The following ACSS3 variants were observed in gnomAD, a reference collection of about 807,000 sequenced individuals.
ACSS3 encodes the protein acyl-CoA synthetase short chain family member 3, also known as acyl-CoA synthetase short-chain family member 3, mitochondrial.
ACSS3 carries 64 observed loss-of-function variants against 84.2 expected under a neutral mutation model. The ratio of observed to expected loss-of-function variants is 0.76; its 90% CI spans 0.62 to 0.94. The LOEUF is 0.94. Among genes scored for constraint, ACSS3 ranks in the 40% least tolerant of loss-of-function variants. The pLI is 0.00. For synonymous variants in ACSS3, 317 were observed against 310.1 expected (o/e 1.02, Z -0.23); for missense variants, 815 against 867.6 (o/e 0.94, Z 0.76).
intron 5 of ACSS3, 89 bp downstream of exon 5, chr12:81,143,336 C>A: frequency 1.6e-5 from 21 of 1,322,340 alleles, no homozygotes; most frequent in Non-Finnish European, 2.1e-5. Context: ...TGTTTGCAGA[C>A]TTTACTTTGA....
intron 9 of ACSS3, among the ~76,000 whole-genome samples, chr12:81,202,798 G>A (rs948869510): frequency 2.6e-5 from 4 of 152,136 alleles, no homozygotes; most frequent in Admixed American, 6.5e-5. Flanking sequence ...TAACTAAAAC[G>A]TATGAATAAA....
At chr12:81,228,264 A>G (rs2033337690) in intron 11 of ACSS3, among the ~76,000 whole-genome samples, 1 of 151,818 alleles carries the variant, frequency 6.6e-6, no homozygotes, top group African/African-American at 2.4e-5. Flanking sequence ...AGGGGGTTCA[A>G]AAGAGTCCTC....
intron 1 of ACSS3, among the ~76,000 whole-genome samples, chr12:81,107,137 G>T (rs920773291): frequency 1.4e-4 from 21 of 152,018 alleles, no homozygotes; most frequent in Admixed American, 7.9e-4. Flanking sequence ...AGTGGAAGTT[G>T]AAACCAGAAG....
intron 8 of ACSS3, among the ~76,000 whole-genome samples, chr12:81,197,976 C>T (rs1006820701): frequency 1.3e-5 from 2 of 152,076 alleles, no homozygotes; most frequent in African/African-American, 4.8e-5. Context: ...CTGATTGAGT[C>T]CATAAAAAAC....
intron 2 of ACSS3, among the ~76,000 whole-genome samples, chr12:81,119,011 G>A (rs1884314156): frequency 1.3e-5 from 2 of 152,228 alleles, no homozygotes; most frequent in East Asian, 3.9e-4. Context: ...ATATTTCGTA[G>A]GTTCTTTCTA....
intron 7 of ACSS3, among the ~76,000 whole-genome samples, chr12:81,156,643 G>A (rs544723263): frequency 3.9e-5 from 6 of 152,222 alleles, no homozygotes; most frequent in African/African-American, 1.4e-4. Context: ...CATCAAAAGT[G>A]TAATAGGGGA....
intron 2 of ACSS3, among the ~76,000 whole-genome samples, chr12:81,131,181 T>G (rs1262171009): frequency 1.3e-5 from 2 of 152,080 alleles, no homozygotes; most frequent in Non-Finnish European, 2.9e-5. Flanking sequence ...TTGGTAGCTT[T>G]ATGGGGATGG....
At chr12:81,100,448 A>T (rs1397553489) in intron 1 of ACSS3, among the ~76,000 whole-genome samples, 1 of 152,174 alleles carries the variant, frequency 6.6e-6, no homozygotes, top group African/African-American at 2.4e-5. Context: ...TTACAAGGAC[A>T]TCTAACATTT....
chr12:81,259,963 CTAAT>C lies in ACSS3; in HGVS notation c.*5046_*5049del, dbSNP rs1433781632. 1 of 246,916 alleles carries C rather than the reference CTAAT, an allele frequency of 4.0e-6. No homozygotes were observed. Among genetic ancestry groups the C allele is most frequent in the African/African-American group, 2.2e-5 (1 of 44,880 alleles). The allele number at this position is 246,916 out of a possible 1,614,324, so 15.3% of individuals were successfully genotyped here. On this transcript the variant is annotated 3_prime_UTR_variant, in exon 16 of 16. Coordinates refer to ENST00000548058, the MANE Select transcript of ACSS3 (RefSeq NM_024560.4). ...TGCCTTCTGAAAAATTTACAACTTG[CTAAT>C]TAATAAATTGGGTTGAATTGACCTA... is the stretch of plus-strand genomic sequence containing the variant.
intron 1 of ACSS3, among the ~76,000 whole-genome samples, chr12:81,090,231 A>G (rs1255638628): frequency 6.6e-6 from 1 of 151,890 alleles, no homozygotes; most frequent in African/African-American, 2.4e-5. Context: ...TAGGGATTTT[A>G]TCTTAAAACC....
At chr12:81,154,233 T>G (rs1886756301) in intron 7 of ACSS3, among the ~76,000 whole-genome samples, 1 of 152,230 alleles carries the variant, frequency 6.6e-6, no homozygotes, top group African/African-American at 2.4e-5. Context: ...CCAAAGATGC[T>G]AACATATTTT....
intron 8 of ACSS3, among the ~76,000 whole-genome samples, chr12:81,192,727 C>G (rs545067942): frequency 4.6e-5 from 7 of 152,172 alleles, no homozygotes; most frequent in African/African-American, 1.7e-4. Flanking sequence ...TTAGTTTCAA[C>G]GCCTGTCAGT....
intron 8 of ACSS3, among the ~76,000 whole-genome samples, chr12:81,198,554 T>A (rs553872481): frequency 2.2e-4 from 33 of 151,684 alleles, no homozygotes; most frequent in African/African-American, 5.6e-4. Context: ...CACACACTTT[T>A]TATATATATA....
chr12:81,178,485 C>A (rs1347031878), intron 8 of ACSS3, among the ~76,000 whole-genome samples: 3 of 143,294 alleles, frequency 2.1e-5, no homozygotes, highest in Non-Finnish European at 4.7e-5. Flanking sequence ...TAAAAAAAAA[C>A]ATTTCTATAC....
At chr12:81,102,487 A>T (rs531611785) in intron 1 of ACSS3, among the ~76,000 whole-genome samples, 1 of 152,238 alleles carries the variant, frequency 6.6e-6, no homozygotes, top group South Asian at 2.1e-4. Context: ...TAATAATAGT[A>T]ACCAAAGAAA....
intron 7 of ACSS3, among the ~76,000 whole-genome samples, chr12:81,162,372 T>C (rs1224191696): frequency 6.6e-6 from 1 of 152,044 alleles, no homozygotes; most frequent in Non-Finnish European, 1.5e-5. Context: ...GGCAGGCAAG[T>C]CATCCCATTG....
intron 7 of ACSS3, among the ~76,000 whole-genome samples, chr12:81,172,808 A>G (rs928260061): frequency 3.3e-5 from 5 of 152,200 alleles, no homozygotes; most frequent in African/African-American, 1.2e-4. Context: ...TACATGGTAT[A>G]TCATTTTAAT....
chr12:81,117,269 G>A (rs1283960507), intron 2 of ACSS3, among the ~76,000 whole-genome samples: 3 of 152,296 alleles, frequency 2.0e-5, no homozygotes, highest in Middle Eastern at 3.4e-3. Context: ...ATGGGTTTCA[G>A]TAGCGCATAA....
intron 10 of ACSS3, among the ~76,000 whole-genome samples, chr12:81,218,843 A>T (rs1573945): frequency 0.67 from 101,199 of 151,720 alleles, 34,214 homozygotes; most frequent in Non-Finnish European, 0.73. Context: ...TAAACATTTA[A>T]AACCAAGGAA....
Sources: gnomAD v4.1 joint callset for allele counts (sites outside exome capture counted in the v4.1 genomes callset) on GRCh38, gnomAD v4.1.1 for gene constraint, MANE v1.5 for transcripts, NCBI Gene and HGNC (gene_info 2026-07-23, HGNC 2026-07-21) for gene names.